The following DSCAM variants were observed in gnomAD, a reference collection of about 807,000 sequenced individuals.
DSCAM encodes the protein cell adhesion molecule DSCAM.
In DSCAM, 47 loss-of-function variants were observed where a neutral mutation model predicts 217.7. That is an observed-to-expected ratio of 0.22 (90% CI 0.17 to 0.28). The LOEUF (loss-of-function observed/expected upper bound fraction) is 0.28. Among genes scored for constraint, DSCAM ranks in the 10% least tolerant of loss-of-function variants. DSCAM has a pLI of 1.00. For synonymous variants in DSCAM, 1,056 were observed against 1,015.3 expected, an observed-to-expected ratio of 1.04 and a Z score of -0.76; for missense variants, 2,080 against 2,618.3, an observed-to-expected ratio of 0.79 and a Z score of 4.49.
rs1449083587 is a variant in DSCAM at position 40,012,062 on chromosome 21, A to G, written c.*972T>C. 1 of 136,950 alleles carries G rather than the reference A, an allele frequency of 7.3e-6. No homozygotes were observed. 8.5% of individuals were successfully genotyped at this position (136,950 alleles called of 1,614,324 possible). A position where few individuals can be genotyped will look rare whatever the true frequency, so the allele number is the denominator to read the frequency against. On this transcript the variant is annotated 3_prime_UTR_variant, in exon 33 of 33. Transcript: ENST00000400454. Reference sequence around the variant, plus strand: ...CAAATAGTGCATGTGGCCTTGTTTCAATAAAACTTTATTTAAAAAACAGCA... The same window carrying G: ...CAAATAGTGCATGTGGCCTTGTTTCGATAAAACTTTATTTAAAAAACAGCA...
chr21:40,027,196 A>G (rs1265216753), intron 32 of DSCAM, among the ~76,000 whole-genome samples: 1 of 152,306 alleles, frequency 6.6e-6, no homozygotes, highest in Non-Finnish European at 1.5e-5. Context: ...AGAATGTTGA[A>G]TATTGGCCCC....
chr21:40,658,583 T>C (rs928755141), intron 3 of DSCAM, among the ~76,000 whole-genome samples: 10 of 152,292 alleles, frequency 6.6e-5, no homozygotes, highest in East Asian at 3.9e-4. Flanking sequence ...TATAGCAAAA[T>C]TGCCAATCTG....
intron 1 of DSCAM, among the ~76,000 whole-genome samples, chr21:40,737,455 T>G (rs748861401): frequency 1.3e-5 from 2 of 152,080 alleles, no homozygotes; most frequent in South Asian, 2.1e-4. Context: ...CTGGCCAACA[T>G]GGTGAATCCC....
intron 3 of DSCAM, among the ~76,000 whole-genome samples, chr21:40,465,033 C>G (rs1330619146): frequency 2.0e-5 from 3 of 152,114 alleles, no homozygotes; most frequent in Non-Finnish European, 4.4e-5. Flanking sequence ...GCCACCGCAT[C>G]TGGCCCAGAA....
At chr21:40,686,354 C>A (rs1053901280) in intron 3 of DSCAM, among the ~76,000 whole-genome samples, 1 of 151,506 alleles carries the variant, frequency 6.6e-6, no homozygotes, top group Admixed American at 6.6e-5. Context: ...ACATGCCACA[C>A]ACACACCACA....
intron 3 of DSCAM, among the ~76,000 whole-genome samples, chr21:40,438,598 A>G (rs1271202697): frequency 2.0e-5 from 3 of 152,242 alleles, no homozygotes; most frequent in Non-Finnish European, 4.4e-5. Flanking sequence ...TGTTGGACCT[A>G]TCATTGCTGG....
chr21:40,142,453 G>A (rs1047673045), intron 18 of DSCAM, 105 bp downstream of exon 18: 2 of 1,269,194 alleles, frequency 1.6e-6, no homozygotes, highest in Non-Finnish European at 2.2e-6. Context: ...TGATAAAGAG[G>A]TGCCCGCCAT....
Position 40,028,140 on chromosome 21 carries a change from C to T in DSCAM, c.5686+14231G>A, listed in dbSNP as rs2088426983. On this transcript the variant is annotated intron_variant, in intron 32 of 32. Coordinates refer to ENST00000400454, the MANE Select transcript of DSCAM (RefSeq NM_001389.5). ...CCCTGCCCTGTGAGGTGTCAGTCTG[C>T]CCCTGCTGGGGGGTGCCTCCCAGTT... 3.4e-5 allele frequency among the ~76,000 whole-genome samples: 3 copies of T among 88,128 alleles called. No individual in the cohort carries two copies. The South Asian group carries it at 1.5e-3, about 44-fold the overall frequency. 57.8% of individuals were successfully genotyped at this position (88,128 alleles called of 152,430 possible).
At chr21:40,825,871 T>C (rs1314799957) in intron 1 of DSCAM, among the ~76,000 whole-genome samples, 1 of 152,152 alleles carries the variant, frequency 6.6e-6, no homozygotes, top group African/African-American at 2.4e-5. Flanking sequence ...TGTCATTCCA[T>C]CAGAAATATA....
At position 40,398,376 on chromosome 21, in the gene DSCAM, C is replaced by T. The variant is rs2075201359; in HGVS notation, c.509-29131G>A. Among the ~76,000 whole-genome samples, 5 of 152,150 alleles carry T rather than the reference C, an allele frequency of 3.3e-5. No homozygotes were observed. In the South Asian group the frequency reaches 1.0e-3, roughly 32 times the overall value. ...TTCCCAACAGACCTTGCAGTTTTCT[C>T]CCCTGTGCTCACTCACACCATTCAT... On this transcript the variant is annotated intron_variant, in intron 3 of 32. Transcript: ENST00000400454.
chr21:40,189,683 T>C (rs1222440973), intron 11 of DSCAM, among the ~76,000 whole-genome samples: 2 of 152,178 alleles, frequency 1.3e-5, no homozygotes, highest in African/African-American at 2.4e-5. Context: ...GTAAGTCTTA[T>C]GAGATCTGAT....
intron 3 of DSCAM, among the ~76,000 whole-genome samples, chr21:40,482,770 A>G (rs2075993891): frequency 6.6e-6 from 1 of 152,186 alleles, no homozygotes; most frequent in African/African-American, 2.4e-5. Context: ...AAAGAATTTC[A>G]GCAAGACAAT....
rs568371834 is a variant in DSCAM, at chr21:40,331,772, G to T, written c.1783+6329C>A. Among the ~76,000 whole-genome samples the T allele has an allele frequency of 4.7e-4, 72 of 152,282 alleles. No individual in the cohort carries two copies. In the South Asian group the frequency reaches 0.012, roughly 26 times the overall value. ...GTTTCTGTTGTTCTCTGCATTCCTA[G>T]CATGGCCATTTCATCTCACTATTGG... is the stretch of plus-strand genomic sequence containing the variant. On this transcript the variant is annotated intron_variant, in intron 8 of 32. Transcript: ENST00000400454.
chr21:40,683,218 G>A (rs2090434080), intron 3 of DSCAM, among the ~76,000 whole-genome samples: 1 of 152,188 alleles, frequency 6.6e-6, no homozygotes, highest in Non-Finnish European at 1.5e-5. Context: ...AGAGGAAGTA[G>A]GTCAACTGTG....
At chr21:40,776,966 CAG>C in intron 1 of DSCAM, among the ~76,000 whole-genome samples, 1 of 152,172 alleles carries the variant, frequency 6.6e-6, no homozygotes, top group East Asian at 1.9e-4. Flanking sequence ...AAGATGTCAG[CAG>C]ATTCTGAAGC....
Position 40,293,180 on chromosome 21 carries a change from G to A in DSCAM, c.2182+2875C>T, listed in dbSNP as rs566111350. 6.6e-5 allele frequency among the ~76,000 whole-genome samples: 10 copies of A among 152,210 alleles called. No individual in the cohort carries two copies. The East Asian group carries it at 1.4e-3, about 21-fold the overall frequency. ...ACACATTATGTCCATGATGGCTTAC[G>A]GACCCTTTATAGCCAGGGGCGACCC... is the stretch of plus-strand genomic sequence containing the variant. On this transcript the variant is annotated intron_variant, in intron 10 of 32. Coordinates refer to ENST00000400454, the MANE Select transcript of DSCAM (RefSeq NM_001389.5).
chr21:40,637,604 T>A (rs1377570147), intron 3 of DSCAM, among the ~76,000 whole-genome samples: 2 of 41,430 alleles, frequency 4.8e-5, no homozygotes, highest in African/African-American at 7.7e-5. Context: ...AATATATATA[T>A]AAATATATAT....
At chr21:40,567,165 A>C (rs1413633329) in intron 3 of DSCAM, among the ~76,000 whole-genome samples, 1 of 152,212 alleles carries the variant, frequency 6.6e-6, no homozygotes, top group Non-Finnish European at 1.5e-5. Flanking sequence ...TGATTTTAAA[A>C]GAAATTAAAA....
In DSCAM at chr21:40,042,474, G is replaced by A. The variant is rs1398708230; in HGVS notation, c.5583C>T (p.Ser1861=). ...TNEYTDSLTS[S]TPSESGICRF... is the part of the protein sequence containing the mutation. ...TGCAGATTCCCGATTCGGAAGGGGT[G>A]CTGGAGGTCAGACTGTCCGTGTACT... Residue 1861 remains serine, a synonymous_variant, in exon 32 of 33, where the codon AGC becomes AGT. Transcript: ENST00000400454. 1 of 1,614,228 alleles carries A rather than the reference G, an allele frequency of 6.2e-7. No homozygotes were observed. The highest frequency in any genetic ancestry group is 8.5e-7 in the Non-Finnish European group (1 of 1,180,038).
Sources: allele counts gnomAD v4.1 joint callset (sites outside exome capture counted in the v4.1 genomes callset), GRCh38; gene constraint gnomAD v4.1.1; transcripts MANE v1.5; gene names NCBI Gene and HGNC (gene_info 2026-07-23, HGNC 2026-07-21).